PTGER3: variants seen among roughly 807,000 people sequenced by gnomAD.
PTGER3 encodes prostaglandin E receptor 3.
Under a neutral mutation model 34.7 loss-of-function variants are expected in PTGER3, and 22 were observed. That is an observed-to-expected ratio of 0.63 (90% CI 0.45 to 0.91). PTGER3 has a LOEUF of 0.91. Ranked by LOEUF, PTGER3 falls within the 40% of genes least tolerant of loss-of-function variation. PTGER3 has a pLI of 0.00. For synonymous variants in PTGER3, 241 were observed against 230.1 expected (o/e 1.05, Z -0.43); for missense variants, 468 against 519.4 (o/e 0.90, Z 0.96).
chr1:70,875,462 T>C (rs751122004), intron 4 of PTGER3, among the ~76,000 whole-genome samples: 56 of 152,334 alleles, frequency 3.7e-4, no homozygotes, highest in Non-Finnish European at 6.8e-4. Context: ...TTCTTTTTTC[T>C]TCTTTTTATT....
chr1:71,020,044 T>G (rs572689090), intron 1 of PTGER3, among the ~76,000 whole-genome samples: 1 of 152,200 alleles, frequency 6.6e-6, no homozygotes, highest in African/African-American at 2.4e-5. Flanking sequence ...CATAATACAC[T>G]AAAACCAGTC....
At chr1:70,990,450 T>C (rs1018405414) in intron 2 of PTGER3, among the ~76,000 whole-genome samples, 1 of 147,830 alleles carries the variant, frequency 6.8e-6, no homozygotes, top group Admixed American at 6.8e-5. Flanking sequence ...ATAATATATA[T>C]ATACATATAT....
intron 1 of PTGER3, among the ~76,000 whole-genome samples, chr1:71,035,792 T>A (rs1659770491): frequency 6.6e-6 from 1 of 152,240 alleles, no homozygotes; most frequent in African/African-American, 2.4e-5. Context: ...AATCCATCCA[T>A]CTGGCCTTCT....
intron 1 of PTGER3, among the ~76,000 whole-genome samples, chr1:71,022,652 T>G (rs1033931611): frequency 1.1e-4 from 17 of 151,752 alleles, no homozygotes; most frequent in Non-Finnish European, 2.1e-4. Flanking sequence ...TGTCCTTAAA[T>G]GTATGCTCAC....
intron 4 of PTGER3, among the ~76,000 whole-genome samples, chr1:70,894,989 G>A (rs12032742): frequency 0.3 from 44,958 of 151,956 alleles, 6,928 homozygotes; most frequent in South Asian, 0.46. Context: ...CTCACTGAGT[G>A]GTGGGCTGTT....
chr1:71,009,753 C>G, intron 2 of PTGER3: 2 of 985,106 alleles, frequency 2.0e-6, no homozygotes, highest in Non-Finnish European at 2.4e-6. Flanking sequence ...ATGCATTTTT[C>G]CTGATTAGAC....
At chr1:70,926,893 GT>G (rs1648148639) in intron 4 of PTGER3, among the ~76,000 whole-genome samples, 1 of 151,742 alleles carries the variant, frequency 6.6e-6, no homozygotes, top group African/African-American at 2.4e-5. Context: ...AACATGAAGC[GT>G]TGTTGAATTT....
intron 4 of PTGER3, among the ~76,000 whole-genome samples, chr1:70,903,053 G>T (rs1646874733): frequency 6.6e-6 from 1 of 152,174 alleles, no homozygotes; most frequent in African/African-American, 2.4e-5. Flanking sequence ...CCAGTAACAA[G>T]TGCCCTCATA....
intron 2 of PTGER3, among the ~76,000 whole-genome samples, chr1:70,974,796 C>T (rs1310840408): frequency 2.6e-5 from 4 of 152,164 alleles, no homozygotes; most frequent in African/African-American, 9.7e-5. Context: ...TATCTGGCCT[C>T]GGGATGCAAT....
At chr1:71,040,773 A>G (rs964021606) in intron 1 of PTGER3, among the ~76,000 whole-genome samples, 1 of 152,204 alleles carries the variant, frequency 6.6e-6, no homozygotes, top group African/African-American at 2.4e-5. Flanking sequence ...TCTCCAATGA[A>G]GTGTGACTCA....
intron 4 of PTGER3, among the ~76,000 whole-genome samples, chr1:70,908,312 G>A (rs956101726): frequency 8.5e-5 from 13 of 152,146 alleles, no homozygotes; most frequent in Admixed American, 5.2e-4. Context: ...ATTATTGCCA[G>A]AACCTGAGGC....
chr1:70,983,539 G>T (rs777582378), intron 2 of PTGER3, among the ~76,000 whole-genome samples: 15 of 152,124 alleles, frequency 9.9e-5, no homozygotes, highest in Non-Finnish European at 1.6e-4. Flanking sequence ...TATCATAAAT[G>T]TTCTGTAACT....
At chr1:70,903,269 G>C (rs997246156) in intron 4 of PTGER3, among the ~76,000 whole-genome samples, 1 of 152,066 alleles carries the variant, frequency 6.6e-6, no homozygotes, top group Non-Finnish European at 1.5e-5. Context: ...TTAGGCTTCT[G>C]GTCTCCAGAA....
chr1:71,039,664 A>AG (rs201649425), intron 1 of PTGER3, among the ~76,000 whole-genome samples: 33,091 of 145,324 alleles, frequency 0.23, 4,866 homozygotes, highest in East Asian at 0.69. Context: ...AAAAAAAAAA[A>AG]AAAAAAGAAA....
chr1:70,896,542 C>T (rs1646725063), intron 4 of PTGER3, among the ~76,000 whole-genome samples: 1 of 152,230 alleles, frequency 6.6e-6, no homozygotes, highest in African/African-American at 2.4e-5. Context: ...AGCTGTGAGA[C>T]AGTAAATTTC....
intron 4 of PTGER3, among the ~76,000 whole-genome samples, chr1:70,874,984 A>G (rs147743211): frequency 1.3e-5 from 2 of 152,244 alleles, no homozygotes; most frequent in Non-Finnish European, 2.9e-5. Context: ...ACAGGATTGC[A>G]TTCCTCTGCG....
chr1:70,961,615 G>C (rs1235841758), intron 2 of PTGER3, among the ~76,000 whole-genome samples: 2 of 152,088 alleles, frequency 1.3e-5, no homozygotes, highest in African/African-American at 2.4e-5. Flanking sequence ...TGCATATTTT[G>C]CTCTGAATAT....
At chr1:70,951,789 G>C (rs142633382), downstream of PTGER3, among the ~76,000 whole-genome samples, 92 of 152,192 alleles carry the variant, frequency 6.0e-4, 1 homozygote, top group African/African-American at 2.0e-3. Flanking sequence ...CTGCCCTTGG[G>C]AAACTCATAT....
At chr1:70,986,016 TA>T (rs1047937680) in intron 2 of PTGER3, among the ~76,000 whole-genome samples, 1 of 152,104 alleles carries the variant, frequency 6.6e-6, no homozygotes, top group African/African-American at 2.4e-5. Flanking sequence ...ATCTTGCTGT[TA>T]AAACAGCTTA....
Sources: allele counts gnomAD v4.1 joint callset (sites outside exome capture counted in the v4.1 genomes callset), GRCh38; gene constraint gnomAD v4.1.1; transcripts MANE v1.5; gene names NCBI Gene and HGNC (gene_info 2026-07-23, HGNC 2026-07-21).